The following H2BC18 variants were observed in gnomAD, a reference collection of about 807,000 sequenced individuals.
H2BC18 encodes the protein H2B clustered histone 18.
H2BC18 carries 8 observed loss-of-function variants against 6.3 expected under a neutral mutation model. The observed-to-expected ratio is 1.28, with a 90% confidence interval of 0.75 to 2.31. The LOEUF (loss-of-function observed/expected upper bound fraction) is 2.31, where lower values mean the gene tolerates loss of function less well. H2BC18 is among the 30% of genes most tolerant of loss of function. H2BC18 has a pLI of 0.00. For missense variants in H2BC18, 106 were observed against 174.5 expected (o/e 0.61, Z 2.21); for synonymous variants, 104 against 78.1 (o/e 1.33, Z -1.75).
downstream of H2BC18, chr1:149,811,834 C>A (rs1232097090): frequency 1.0e-6 from 1 of 1,002,558 alleles, no homozygotes; most frequent in Non-Finnish European, 1.5e-6. Flanking sequence ...TGACCAAAAG[C>A]TATCAAACGC....
intron 1 of H2BC18, chr1:149,786,245 C>T (rs1419749210): frequency 1.3e-5 from 2 of 152,188 alleles, no homozygotes; most frequent in East Asian, 3.9e-4. Context: ...ATTTGGGTAT[C>T]CTTTTTTGTA....
At position 149,812,086 on chromosome 1, in the gene H2BC18, G is replaced by A. The variant is rs587762088; in HGVS notation, c.238C>T (p.Arg80Cys). The A allele has an allele frequency of 6.2e-7, 1 of 1,614,136 alleles. No individual in the cohort carries two copies. Among genetic ancestry groups the A allele is most frequent in the Non-Finnish European group, 8.5e-7 (1 of 1,180,064 alleles). The change falls in exon 1 of 1, where the codon CGC becomes TGC. Residue 80 changes from arginine (R) to cysteine (C), a missense_variant. By Grantham distance (180) the Arg-to-Cys change is radical. This residue lies in a region of H2BC18 where 35 missense variants were observed against 72.3 expected (regional missense o/e 0.48). Transcript: ENST00000369167. ...GAGCGCTTGTTGTAGTGCGCCAGGC[G>A]GGACGCCTCTCCCGCGATGCGCTCG... ...IFERIAGEASRLAHYNKRSTI... is the reference protein window; with the variant it reads ...IFERIAGEASCLAHYNKRSTI...
intron 1 of H2BC18, among the ~76,000 whole-genome samples, chr1:149,798,335 T>C (rs2091822617): frequency 6.7e-6 from 1 of 149,866 alleles, no homozygotes; most frequent in Non-Finnish European, 1.5e-5. Flanking sequence ...ACTTTCCTAT[T>C]TTGAATATAA....
chr1:149,791,314 G>C, intron 1 of H2BC18: 1 of 1,598,924 alleles, frequency 6.3e-7, no homozygotes, highest in Non-Finnish European at 8.5e-7. Context: ...AGTGAACACT[G>C]TTCTCTGGGT....
intron 1 of H2BC18, among the ~76,000 whole-genome samples, chr1:149,802,921 C>G (rs587693812): frequency 1.3e-5 from 2 of 152,176 alleles, no homozygotes; most frequent in South Asian, 4.1e-4. Context: ...TGTAGCTACC[C>G]TGGCAGCCGA....
chr1:149,784,740 A>T (rs2091496058), intron 1 of H2BC18, among the ~76,000 whole-genome samples: 1 of 149,680 alleles, frequency 6.7e-6, no homozygotes. Flanking sequence ...ATATAGTTTT[A>T]AAGCTGTGGG....
At chr1:149,802,341 A>C (rs2091880850) in intron 1 of H2BC18, among the ~76,000 whole-genome samples, 1 of 152,132 alleles carries the variant, frequency 6.6e-6, no homozygotes, top group Admixed American at 6.5e-5. Context: ...CCTATGGCTA[A>C]TATATATACA....
At chr1:149,796,491 G>A (rs1289975020) in intron 1 of H2BC18, among the ~76,000 whole-genome samples, 232 of 152,274 alleles carry the variant, frequency 1.5e-3, no homozygotes, top group Non-Finnish European at 2.4e-3. Context: ...TGGAAGGGCA[G>A]AAAAATACTT....
rs1385514978 is a variant in H2BC18, at chr1:149,793,131, C to T, written c.378-9871G>A. The T allele has an allele frequency of 6.3e-6, 8 of 1,274,426 alleles. No homozygotes were observed. The African/African-American group carries it at 1.3e-4, about 20-fold the overall frequency. 78.9% of individuals were successfully genotyped at this position (1,274,426 alleles called of 1,614,324 possible). ...TGCTGCCGGCCTCAGGTGCGCCCGG[C>T]CGAGCCTCCGCGGAGAGGAGGATTG... On this transcript the variant is annotated intron_variant, in intron 1 of 1. Coordinates refer to the H2BC18 transcript ENST00000545683.
At chr1:149,802,500 G>A (rs1188976828) in intron 1 of H2BC18, among the ~76,000 whole-genome samples, 1 of 152,192 alleles carries the variant, frequency 6.6e-6, no homozygotes, top group East Asian at 1.9e-4. Context: ...GTTCTCCAGA[G>A]GGACAAAACT....
chr1:149,794,085 G>C (rs1325986932), intron 1 of H2BC18: 4 of 514,290 alleles, frequency 7.8e-6, no homozygotes, highest in Non-Finnish European at 1.4e-5. Flanking sequence ...CAGATTCCTC[G>C]GGCTGTAGAG....
chr1:149,805,111 T>G (rs1229731376), intron 1 of H2BC18: 1 of 152,280 alleles, frequency 6.6e-6, no homozygotes, highest in Non-Finnish European at 1.5e-5. Flanking sequence ...ATAGTTCTCT[T>G]TTCTGTTTTT....
chr1:149,812,326 T>C lies in H2BC18; in HGVS notation c.-3A>G, dbSNP rs782138985. ...GCGGATTTCGCTGGATCCGGCATTT[T>C]TGCGCGAAAAAAGAGAAAAGAGACT... On this transcript the variant is annotated 5_prime_UTR_variant, in exon 1 of 1. Transcript: ENST00000369167. The C allele has an allele frequency of 2.6e-5, 42 of 1,613,954 alleles. 4 individuals are homozygous for C. Among genetic ancestry groups the C allele is most frequent in the African/African-American group, 2.3e-4 (17 of 74,986 alleles).
intron 1 of H2BC18, among the ~76,000 whole-genome samples, chr1:149,785,420 T>TG (rs1478346160): frequency 7.4e-6 from 1 of 135,162 alleles, no homozygotes; most frequent in Non-Finnish European, 1.6e-5. Context: ...TTTTTTTTTT[T>TG]TTTTTTTTTT....
At chr1:149,796,937 G>C (rs587606782) in intron 1 of H2BC18, among the ~76,000 whole-genome samples, 1 of 152,294 alleles carries the variant, frequency 6.6e-6, no homozygotes, top group Non-Finnish European at 1.5e-5. Context: ...TTTTGAGACA[G>C]AGTTTCGTTG....
chr1:149,793,135 G>A (rs1553752372), intron 1 of H2BC18: 1 of 1,274,996 alleles, frequency 7.8e-7, no homozygotes, highest in South Asian at 1.2e-5. Context: ...GCCCGGCCGA[G>A]CCTCCGCGGA....
chr1:149,796,443 C>T (rs1553752792), intron 1 of H2BC18, among the ~76,000 whole-genome samples: 1 of 152,142 alleles, frequency 6.6e-6, no homozygotes, highest in Non-Finnish European at 1.5e-5. Flanking sequence ...AACAGCAGTC[C>T]TCTGGAGCCT....
chr1:149,800,098 A>G (rs1382134722), intron 1 of H2BC18, among the ~76,000 whole-genome samples: 1 of 151,990 alleles, frequency 6.6e-6, no homozygotes, highest in African/African-American at 2.4e-5. Flanking sequence ...CCTCCTTTGC[A>G]TTGTATTAAT....
At chr1:149,787,045 C>G (rs1218694686) in intron 1 of H2BC18, 1 of 152,190 alleles carries the variant, frequency 6.6e-6, no homozygotes, top group African/African-American at 2.4e-5. Flanking sequence ...TAGTGTTTGA[C>G]AGTTTCTGAT....
Sources: allele counts gnomAD v4.1 joint callset (sites outside exome capture counted in the v4.1 genomes callset), GRCh38; gene constraint gnomAD v4.1.1; regional missense constraint gnomAD v4.1.1; transcripts MANE v1.5; gene names NCBI Gene and HGNC (gene_info 2026-07-23, HGNC 2026-07-21).